The following NDC80 variants were observed in gnomAD, a reference collection of about 807,000 sequenced individuals.
NDC80 encodes kinetochore protein NDC80 homolog.
A neutral mutation model predicts 89.3 loss-of-function variants in NDC80; 69 were observed. The ratio of observed to expected loss-of-function variants is 0.77; its 90% CI spans 0.64 to 0.94. The LOEUF (loss-of-function observed/expected upper bound fraction) is 0.94. NDC80 is among the 40% of genes least tolerant of loss of function. The probability of loss-of-function intolerance (pLI) is 0.00; values close to 1 mark genes in which losing one functional copy is unlikely to be tolerated. For synonymous variants in NDC80, 243 were observed against 255.6 expected (o/e 0.95, Z 0.47); for missense variants, 593 against 739.6 (o/e 0.80, Z 2.30).
At chr18:2,608,404 C>G (rs140620590) in intron 14 of NDC80, among the ~76,000 whole-genome samples, 1,841 of 151,874 alleles carry the variant, frequency 0.012, 36 homozygotes, top group African/African-American at 0.04. Flanking sequence ...TGGGGTTTCA[C>G]CTCGCTGGCC....
chr18:2,603,904 TCATAGAG>T (rs1481548356), intron 13 of NDC80, among the ~76,000 whole-genome samples: 25 of 152,214 alleles, frequency 1.6e-4, no homozygotes, highest in Non-Finnish European at 3.4e-4. Context: ...ATGTAAATTA[TCATAGAG>T]CATAAAGAGA....
chr18:2,584,718 A>G (rs2072595617), intron 6 of NDC80, among the ~76,000 whole-genome samples: 1 of 152,184 alleles, frequency 6.6e-6, no homozygotes, highest in Non-Finnish European at 1.5e-5. Flanking sequence ...AAAAATTATT[A>G]TTGGCTCACC....
chr18:2,588,600 C>G (rs2072613058), intron 8 of NDC80, among the ~76,000 whole-genome samples: 1 of 152,262 alleles, frequency 6.6e-6, no homozygotes, highest in Admixed American at 6.5e-5. Flanking sequence ...TGGAATCAAT[C>G]ACTTTGCCAG....
intron 10 of NDC80, among the ~76,000 whole-genome samples, chr18:2,591,048 G>A (rs12608176): frequency 0.068 from 10,406 of 152,060 alleles, 965 homozygotes; most frequent in African/African-American, 0.2. Context: ...GCTCTAATAA[G>A]CCAGATTCTT....
chr18:2,612,856 T>C (rs2072752723), intron 16 of NDC80, among the ~76,000 whole-genome samples: 1 of 152,218 alleles, frequency 6.6e-6, no homozygotes, highest in Non-Finnish European at 1.5e-5. Context: ...AAATTCTTAA[T>C]AGCTTTCATA....
At chr18:2,580,408 T>A (rs1031195215) in intron 6 of NDC80, among the ~76,000 whole-genome samples, 2 of 152,030 alleles carry the variant, frequency 1.3e-5, no homozygotes, top group Non-Finnish European at 2.9e-5. Context: ...TAATGCAGTC[T>A]CTCCTTTTGT....
intron 8 of NDC80, among the ~76,000 whole-genome samples, chr18:2,588,607 C>T (rs532550275): frequency 6.6e-6 from 1 of 152,208 alleles, no homozygotes; most frequent in Admixed American, 6.5e-5. Context: ...AATCACTTTG[C>T]CAGTATTATC....
chr18:2,603,351 TTATACATATA>T (rs1359331866), intron 13 of NDC80, among the ~76,000 whole-genome samples: 3 of 80,940 alleles, frequency 3.7e-5, no homozygotes, highest in African/African-American at 1.5e-4. Context: ...GAGAATATGT[TTATACATATA>T]TATATATATA....
chr18:2,587,053 G>GT (rs1185796406), intron 7 of NDC80, among the ~76,000 whole-genome samples: 2 of 152,164 alleles, frequency 1.3e-5, no homozygotes, highest in Admixed American at 6.5e-5. Flanking sequence ...TTTACCATCA[G>GT]TGATACACCT....
chr18:2,592,060 C>G (rs983986544), intron 10 of NDC80, among the ~76,000 whole-genome samples: 3 of 152,058 alleles, frequency 2.0e-5, no homozygotes, highest in Non-Finnish European at 4.4e-5. Context: ...GGCCTTTAAT[C>G]AATACTTTCT....
At chr18:2,574,111 G>A (rs2072533804) in intron 2 of NDC80, among the ~76,000 whole-genome samples, 2 of 152,130 alleles carry the variant, frequency 1.3e-5, no homozygotes, top group Admixed American at 1.3e-4. Flanking sequence ...GTAAATAAGT[G>A]AAATAAGCAG....
At chr18:2,573,198 G>A (rs1228695005) in intron 2 of NDC80, 112 bp downstream of exon 2, 2 of 848,180 alleles carry the variant, frequency 2.4e-6, no homozygotes, top group African/African-American at 1.7e-5. Flanking sequence ...GGTGAATCTT[G>A]TCTGTTCCCA....
At chr18:2,606,142 AATAATAT>A (rs1274771770) in intron 13 of NDC80, among the ~76,000 whole-genome samples, 6 of 150,964 alleles carry the variant, frequency 4.0e-5, no homozygotes, top group Non-Finnish European at 5.9e-5. Context: ...TAACAATATT[AATAATAT>A]ATAATATATA....
At chr18:2,590,654 A>G (rs894280959) in intron 10 of NDC80, among the ~76,000 whole-genome samples, 41 of 152,316 alleles carry the variant, frequency 2.7e-4, no homozygotes, top group African/African-American at 8.9e-4. Context: ...TCATCTCAAG[A>G]TACTTAATCA....
intron 11 of NDC80, among the ~76,000 whole-genome samples, chr18:2,597,184 A>AAAAT (rs1375396380): frequency 7.4e-4 from 112 of 152,050 alleles, no homozygotes; most frequent in African/African-American, 2.5e-3. Context: ...ATAATAATAA[A>AAAAT]AAATAAGTAA....
chr18:2,596,037 C>T (rs2072653698), intron 11 of NDC80, among the ~76,000 whole-genome samples: 1 of 152,192 alleles, frequency 6.6e-6, no homozygotes. Context: ...AAACTTCCAA[C>T]TGAGTTTGCA....
rs80347799 is a variant in NDC80, at chr18:2,586,985, G to A, written c.670-845G>A. The stretch of plus-strand genomic sequence containing the variant: ...AAAATTGACCAAGCTTAAGGAAACT[G>A]ATTCAGTCTTAACCAAATTCACAGC... On this transcript the variant is annotated intron_variant, in intron 7 of 16. Coordinates refer to ENST00000261597, the MANE Select transcript of NDC80 (RefSeq NM_006101.3). 1.2e-3 allele frequency among the ~76,000 whole-genome samples: 183 copies of A among 152,258 alleles called. 4 individuals carry two copies. In the East Asian group the frequency reaches 0.026, roughly 22 times the overall value.
At chr18:2,615,797 A>G (rs7350999) in intron 16 of NDC80, among the ~76,000 whole-genome samples, 124,354 of 152,212 alleles carry the variant, frequency 0.82, 51,214 homozygotes, top group East Asian at 0.96. Flanking sequence ...TTAAAATACT[A>G]TATGAAAAAG....
Position 2,585,102 on chromosome 18 carries a change from G to T in NDC80, c.580-11G>T. ...AGATCAACTTGCTTTTCTTGCTTGT[G>T]TACTAATTAGATACATACTGCCATG... On this transcript the variant is annotated splice_polypyrimidine_tract_variant and intron_variant, in intron 6 of 16. Transcript: ENST00000261597. 1 of 1,605,234 alleles carries T rather than the reference G, an allele frequency of 6.2e-7. No individual in the cohort carries two copies.
Sources: gnomAD v4.1 joint callset for allele counts (sites outside exome capture counted in the v4.1 genomes callset) on GRCh38, gnomAD v4.1.1 for gene constraint, MANE v1.5 for transcripts, NCBI Gene and HGNC (gene_info 2026-07-23, HGNC 2026-07-21) for gene names.